CACNA2D3: variants seen among roughly 807,000 people sequenced by gnomAD.
CACNA2D3 encodes calcium voltage-gated channel auxiliary subunit alpha2delta 3.
Under a neutral mutation model 160.6 loss-of-function variants are expected in CACNA2D3, and 60 were observed. The ratio of observed to expected loss-of-function variants is 0.37; its 90% confidence interval spans 0.30 to 0.46. The LOEUF is 0.46. Ranked by LOEUF, CACNA2D3 falls within the 20% of genes least tolerant of loss-of-function variation. The probability of loss-of-function intolerance (pLI) is 1.00; values close to 1 mark genes in which losing one functional copy is unlikely to be tolerated. For synonymous variants in CACNA2D3, 558 were observed against 492.9 expected (o/e 1.13, Z -1.75); for missense variants, 1,205 against 1,365.0 (o/e 0.88, Z 1.85).
At chr3:55,040,076 T>A (rs966335586) in intron 35 of CACNA2D3, among the ~76,000 whole-genome samples, 7 of 152,172 alleles carry the variant, frequency 4.6e-5, no homozygotes, top group Non-Finnish European at 7.3e-5. Context: ...CAGGTTCTGG[T>A]AACGGCTCTC....
At chr3:54,382,602 G>A (rs1166786988) in intron 3 of CACNA2D3, among the ~76,000 whole-genome samples, 1 of 152,226 alleles carries the variant, frequency 6.6e-6, no homozygotes, top group Admixed American at 6.5e-5. Flanking sequence ...AGCCAACATG[G>A]TGAAACCCCA....
chr3:54,927,539 G>C (rs545794329), intron 27 of CACNA2D3, among the ~76,000 whole-genome samples: 130 of 152,116 alleles, frequency 8.5e-4, no homozygotes, highest in Middle Eastern at 3.2e-3. Context: ...AGAATCCACT[G>C]ATCTATTAAT....
chr3:54,151,242 G>A (rs1700145773), intron 2 of CACNA2D3, among the ~76,000 whole-genome samples: 1 of 151,912 alleles, frequency 6.6e-6, no homozygotes, highest in African/African-American at 2.4e-5. Flanking sequence ...TGGATTAATG[G>A]ATGGATAGGT....
At chr3:54,253,351 C>T (rs1371519889) in intron 2 of CACNA2D3, among the ~76,000 whole-genome samples, 1 of 152,094 alleles carries the variant, frequency 6.6e-6, no homozygotes, top group Non-Finnish European at 1.5e-5. Flanking sequence ...TTCTGCTTGG[C>T]TTCTGGGGAG....
intron 5 of CACNA2D3, among the ~76,000 whole-genome samples, chr3:54,507,661 GC>G (rs563206936): frequency 9.9e-5 from 15 of 152,156 alleles, no homozygotes; most frequent in Non-Finnish European, 2.1e-4. Flanking sequence ...AGACTGGGTG[GC>G]CCACAGACTC....
chr3:54,354,534 C>T (rs1422453208), intron 3 of CACNA2D3, among the ~76,000 whole-genome samples: 1 of 152,092 alleles, frequency 6.6e-6, no homozygotes, highest in Non-Finnish European at 1.5e-5. Flanking sequence ...ATCCAAGGGC[C>T]CCTCCTGAGT....
At chr3:54,400,442 A>G (rs1424049174) in intron 4 of CACNA2D3, among the ~76,000 whole-genome samples, 4 of 152,094 alleles carry the variant, frequency 2.6e-5, no homozygotes, top group Non-Finnish European at 5.9e-5. Context: ...GCACTGTTGC[A>G]GCTGCTTGAG....
chr3:54,578,395 A>C (rs1702621362), intron 8 of CACNA2D3, among the ~76,000 whole-genome samples: 1 of 152,228 alleles, frequency 6.6e-6, no homozygotes. Flanking sequence ...AAATCTAGAG[A>C]ACATACACAA....
chr3:54,955,637 C>A (rs1701868494), intron 27 of CACNA2D3, among the ~76,000 whole-genome samples: 1 of 152,034 alleles, frequency 6.6e-6, no homozygotes, highest in African/African-American at 2.4e-5. Flanking sequence ...TCTTTGAGTC[C>A]CAACAGAATG....
chr3:54,908,535 G>GT (rs2106904724), intron 27 of CACNA2D3, among the ~76,000 whole-genome samples: 1 of 152,236 alleles, frequency 6.6e-6, no homozygotes, highest in East Asian at 1.9e-4. Flanking sequence ...GGGCAACATG[G>GT]TGAAACACCA....
chr3:55,051,203 T>G (rs1299077670), intron 35 of CACNA2D3, among the ~76,000 whole-genome samples: 1 of 152,244 alleles, frequency 6.6e-6, no homozygotes, highest in Non-Finnish European at 1.5e-5. Context: ...TTTCCAGTTT[T>G]TCTGCTCTGT....
intron 13 of CACNA2D3, among the ~76,000 whole-genome samples, chr3:54,768,270 A>C (rs1428533064): frequency 6.6e-6 from 1 of 152,192 alleles, no homozygotes; most frequent in Non-Finnish European, 1.5e-5. Flanking sequence ...CAAAATTAGC[A>C]CCACCAATGA....
intron 5 of CACNA2D3, among the ~76,000 whole-genome samples, chr3:54,551,201 C>G (rs1353129961): frequency 6.6e-6 from 1 of 152,182 alleles, no homozygotes; most frequent in Non-Finnish European, 1.5e-5. Context: ...CAGGACCACT[C>G]TACAACCTGC....
chr3:54,820,639 G>A (rs1490512841), intron 14 of CACNA2D3, among the ~76,000 whole-genome samples: 2 of 152,110 alleles, frequency 1.3e-5, no homozygotes, highest in Non-Finnish European at 2.9e-5. Flanking sequence ...GCACTTTCAA[G>A]GCGTCACAAA....
intron 4 of CACNA2D3, among the ~76,000 whole-genome samples, chr3:54,467,442 C>A (rs1456640658): frequency 6.6e-6 from 1 of 152,206 alleles, no homozygotes; most frequent in Admixed American, 6.5e-5. Flanking sequence ...ATTGAGTCAG[C>A]AATGATGGGT....
intron 11 of CACNA2D3, among the ~76,000 whole-genome samples, chr3:54,688,158 A>G (rs1206431888): frequency 1.3e-5 from 2 of 152,228 alleles, no homozygotes; most frequent in Non-Finnish European, 2.9e-5. Flanking sequence ...TAGCAGGTGA[A>G]TAGCAAACAT....
At chr3:54,589,096 G>C (rs1307568916) in intron 9 of CACNA2D3, among the ~76,000 whole-genome samples, 2 of 151,862 alleles carry the variant, frequency 1.3e-5, no homozygotes, top group African/African-American at 4.8e-5. Context: ...GAAGTAGAAG[G>C]AATCAATCTA....
intron 5 of CACNA2D3, among the ~76,000 whole-genome samples, chr3:54,505,216 G>C (rs1271487334): frequency 6.6e-6 from 1 of 152,122 alleles, no homozygotes; most frequent in African/African-American, 2.4e-5. Flanking sequence ...TGAATCAGAT[G>C]CAGCCCCTCC....
chr3:54,227,210 T>C (rs1701689112), intron 2 of CACNA2D3, among the ~76,000 whole-genome samples: 2 of 137,140 alleles, frequency 1.5e-5, no homozygotes, highest in Non-Finnish European at 3.0e-5. Context: ...AATATGTTAC[T>C]GTGTAGGGGC....
Sources: allele counts gnomAD v4.1 joint callset (sites outside exome capture counted in the v4.1 genomes callset), GRCh38; gene constraint gnomAD v4.1.1; transcripts MANE v1.5; gene names NCBI Gene and HGNC (gene_info 2026-07-23, HGNC 2026-07-21).